The following DLGAP2 variants were observed in gnomAD, a reference collection of about 807,000 sequenced individuals.
DLGAP2 encodes the protein disks large-associated protein 2.
A neutral mutation model predicts 100.3 loss-of-function variants in DLGAP2; 26 were observed. That is an observed-to-expected ratio of 0.26 (90% confidence interval 0.19 to 0.36). The LOEUF (loss-of-function observed/expected upper bound fraction) is 0.36, where lower values mean the gene tolerates loss of function less well. Among genes scored for constraint, DLGAP2 ranks in the 10% least tolerant of loss-of-function variants. The pLI is 1.00. For synonymous variants in DLGAP2, 886 were observed against 630.1 expected, an observed-to-expected ratio of 1.41 and a Z score of -6.08; for missense variants, 1,858 against 1,453.2, an observed-to-expected ratio of 1.28 and a Z score of -4.53.
At chr8:1,489,411 T>C (rs947379924) in intron 3 of DLGAP2, among the ~76,000 whole-genome samples, 1 of 152,262 alleles carries the variant, frequency 6.6e-6, no homozygotes, top group African/African-American at 2.4e-5. Flanking sequence ...CCATTATCTG[T>C]GTGAGGGAAC....
At chr8:1,013,653 AGGACAGACG>A (rs1801367486) in intron 2 of DLGAP2, among the ~76,000 whole-genome samples, 1 of 133,586 alleles carries the variant, frequency 7.5e-6, no homozygotes, top group African/African-American at 3.4e-5. Flanking sequence ...GTGTGTGACC[AGGACAGACG>A]CCTCCACTGT....
chr8:1,499,186 C>T (rs540400286), intron 3 of DLGAP2, among the ~76,000 whole-genome samples: 1 of 152,386 alleles, frequency 6.6e-6, no homozygotes, highest in East Asian at 1.9e-4. Context: ...CGATACCAAG[C>T]TTGTGCTCTG....
chr8:932,832 C>A lies in DLGAP2; in HGVS notation c.73+24866C>A, dbSNP rs1798989353. Among the ~76,000 whole-genome samples the A allele has an allele frequency of 2.0e-5, 3 of 152,122 alleles. No homozygotes were observed. In the South Asian group the frequency reaches 6.2e-4, roughly 31 times the overall value. The stretch of plus-strand genomic sequence containing the variant: ...AAATGAAAAATTAAAAAAAAAATTT[C>A]TTAAGATGAAGAAATGTTGATAACC... On this transcript the variant is annotated intron_variant, in intron 2 of 14. Coordinates refer to ENST00000637795, the MANE Select transcript of DLGAP2 (RefSeq NM_001346810.2).
chr8:1,185,216 A>G (rs1457795747), intron 2 of DLGAP2, among the ~76,000 whole-genome samples: 1 of 152,098 alleles, frequency 6.6e-6, no homozygotes, highest in African/African-American at 2.4e-5. Flanking sequence ...CTCCACAGAA[A>G]GGTGGTTTTC....
intron 2 of DLGAP2, among the ~76,000 whole-genome samples, chr8:1,074,758 T>C (rs979002017): frequency 3.3e-5 from 5 of 152,198 alleles, no homozygotes; most frequent in Non-Finnish European, 7.3e-5. Context: ...TGGGTGATTT[T>C]TTAGAAGTCA....
rs532673070 is a variant in DLGAP2 at position 1,386,399 on chromosome 8, C to T, written c.107-114967C>T. 5.3e-5 allele frequency among the ~76,000 whole-genome samples: 8 copies of T among 152,332 alleles called. No homozygotes were observed. The South Asian group carries it at 1.7e-3, about 32-fold the overall frequency. On this transcript the variant is annotated intron_variant, in intron 3 of 14. Transcript: ENST00000637795. ...CAGCATTGCCAGGGGAGCCTGTGAG[C>T]TTTCAGGGAGAAAAGACAGATCGAG...
At chr8:1,677,854 A>C (rs1405904482) in intron 11 of DLGAP2, among the ~76,000 whole-genome samples, 1 of 152,218 alleles carries the variant, frequency 6.6e-6, no homozygotes, top group East Asian at 1.9e-4. Flanking sequence ...TACATAAAAG[A>C]AGCAACCCAT....
intron 4 of DLGAP2, among the ~76,000 whole-genome samples, chr8:1,532,963 G>A (rs1295057873): frequency 6.6e-6 from 1 of 151,946 alleles, no homozygotes; most frequent in Non-Finnish European, 1.5e-5. Flanking sequence ...ACCTTTGTTG[G>A]GCTCTGAGAT....
At chr8:1,339,455 C>A (rs58769367) in intron 3 of DLGAP2, among the ~76,000 whole-genome samples, 9,218 of 152,304 alleles carry the variant, frequency 0.061, 339 homozygotes, top group South Asian at 0.13. Flanking sequence ...CCTCGGGAGC[C>A]TGGAGCACAC....
intron 2 of DLGAP2, among the ~76,000 whole-genome samples, chr8:933,008 C>T (rs1451941553): frequency 6.6e-6 from 1 of 152,158 alleles, no homozygotes; most frequent in East Asian, 1.9e-4. Context: ...TTCTTCTTTC[C>T]TGCAAGAATA....
intron 6 of DLGAP2, chr8:1,621,635 A>G (rs576202011): frequency 1.6e-4 from 24 of 152,254 alleles, no homozygotes; most frequent in African/African-American, 5.3e-4. Flanking sequence ...GGTGCTCCAT[A>G]GACTCACCAG....
At chr8:807,940 T>C (rs982757374) in intron 1 of DLGAP2, among the ~76,000 whole-genome samples, 3 of 152,070 alleles carry the variant, frequency 2.0e-5, no homozygotes, top group African/African-American at 7.2e-5. Context: ...CCGGGTCTTG[T>C]GATAAGATGT....
At chr8:1,675,269 G>C (rs1253803469) in intron 10 of DLGAP2, among the ~76,000 whole-genome samples, 1 of 152,216 alleles carries the variant, frequency 6.6e-6, no homozygotes, top group Non-Finnish European at 1.5e-5. Flanking sequence ...CCCGGCTCTG[G>C]GGTCAGAGAG....
chr8:1,593,821 C>G (rs1796363559), intron 6 of DLGAP2, among the ~76,000 whole-genome samples: 2 of 152,192 alleles, frequency 1.3e-5, no homozygotes. Context: ...CCCTCCTCAG[C>G]ACAGAATAAG....
chr8:1,272,880 T>C (rs1007831046), intron 3 of DLGAP2, among the ~76,000 whole-genome samples: 2 of 152,160 alleles, frequency 1.3e-5, no homozygotes, highest in African/African-American at 2.4e-5. Flanking sequence ...GAAGGGTGTG[T>C]AGTTTTCATC....
chr8:958,600 A>G (rs1054867578), intron 2 of DLGAP2, among the ~76,000 whole-genome samples: 1 of 151,882 alleles, frequency 6.6e-6, no homozygotes, highest in Non-Finnish European at 1.5e-5. Context: ...AAAAAAAAAA[A>G]AAAACTTTTC....
At chr8:1,496,766 G>A (rs750291518) in intron 3 of DLGAP2, among the ~76,000 whole-genome samples, 8 of 152,190 alleles carry the variant, frequency 5.3e-5, no homozygotes, top group Non-Finnish European at 7.3e-5. Flanking sequence ...ACAGGTCCAC[G>A]CTCTCCAGGC....
intron 2 of DLGAP2, among the ~76,000 whole-genome samples, chr8:1,142,871 G>A (rs1026887869): frequency 5.9e-5 from 9 of 152,276 alleles, no homozygotes; most frequent in African/African-American, 2.2e-4. Context: ...GGAGCAGCAG[G>A]TGGGCAGGGC....
chr8:1,144,101 G>A lies in DLGAP2; in HGVS notation c.74-114750G>A, dbSNP rs1004757720. 2.0e-5 allele frequency among the ~76,000 whole-genome samples: 3 copies of A among 152,198 alleles called. No individual in the cohort carries two copies. The East Asian group carries it at 5.8e-4, about 29-fold the overall frequency. On this transcript the variant is annotated intron_variant, in intron 2 of 14. Coordinates refer to ENST00000637795, the MANE Select transcript of DLGAP2 (RefSeq NM_001346810.2). ...CTTTCCCCTGTGCTCAGAATGTGAG[G>A]AATGATATCGAGTAAATTAATGAGG...
Sources: gnomAD v4.1 joint callset for allele counts (sites outside exome capture counted in the v4.1 genomes callset) on GRCh38, gnomAD v4.1.1 for gene constraint, MANE v1.5 for transcripts, NCBI Gene and HGNC (gene_info 2026-07-23, HGNC 2026-07-21) for gene names.